Variants in AGBL4 observed in about 807,000 individuals in gnomAD.
AGBL4 encodes cytosolic carboxypeptidase 6.
Under a neutral mutation model 66.4 loss-of-function variants are expected in AGBL4, and 58 were observed. That is an observed-to-expected ratio of 0.87 (90% CI 0.71 to 1.09). The LOEUF is 1.09. AGBL4 is among the 50% of genes least tolerant of loss of function. The probability of loss-of-function intolerance (pLI) is 0.00; values close to 1 mark genes in which losing one functional copy is unlikely to be tolerated. For missense variants in AGBL4, 579 were observed against 631.0 expected, an observed-to-expected ratio of 0.92 and a Z score of 0.88; for synonymous variants, 234 against 222.9, an observed-to-expected ratio of 1.05 and a Z score of -0.44.
intron 3 of AGBL4, among the ~76,000 whole-genome samples, chr1:49,428,814 G>A (rs1429006653): frequency 6.6e-6 from 1 of 152,320 alleles, no homozygotes; most frequent in East Asian, 1.9e-4. Flanking sequence ...CTTTAAGCAG[G>A]AAGCAGTTGC....
intron 9 of AGBL4, among the ~76,000 whole-genome samples, chr1:48,619,684 T>G (rs1368382635): frequency 4.6e-5 from 7 of 152,214 alleles, no homozygotes; most frequent in Admixed American, 1.3e-4. Flanking sequence ...GTTTTCCTCT[T>G]GTAACTGGGA....
intron 1 of AGBL4, among the ~76,000 whole-genome samples, chr1:49,922,081 T>C (rs1449844286): frequency 6.6e-6 from 1 of 152,242 alleles, no homozygotes; most frequent in Admixed American, 6.5e-5. Context: ...AATTTGTGCT[T>C]TCTGCATTTA....
intron 3 of AGBL4, 91 bp from the exon 4 acceptor site, chr1:49,245,955 G>T (rs1003251094): frequency 1.0e-5 from 10 of 978,390 alleles, no homozygotes; most frequent in Non-Finnish European, 1.5e-5. Flanking sequence ...CAGGGTTAAA[G>T]AAAGCCATAT....
intron 2 of AGBL4, among the ~76,000 whole-genome samples, chr1:49,712,551 T>C (rs1030723814): frequency 5.9e-5 from 9 of 151,890 alleles, no homozygotes; most frequent in Non-Finnish European, 1.0e-4. Context: ...ATGAGGACTA[T>C]AGTTAATAAT....
chr1:49,292,907 C>T (rs1419466230), intron 3 of AGBL4, among the ~76,000 whole-genome samples: 1 of 152,238 alleles, frequency 6.6e-6, no homozygotes, highest in Non-Finnish European at 1.5e-5. Flanking sequence ...GAACTCGGAA[C>T]CTGTTGAATG....
chr1:48,830,825 C>T (rs1236086287), intron 6 of AGBL4, among the ~76,000 whole-genome samples: 1 of 152,152 alleles, frequency 6.6e-6, no homozygotes, highest in Non-Finnish European at 1.5e-5. Flanking sequence ...TTCATCACAA[C>T]ATTATTTCAT....
chr1:49,095,901 C>T (rs1255927655), intron 4 of AGBL4, among the ~76,000 whole-genome samples: 1 of 151,800 alleles, frequency 6.6e-6, no homozygotes, highest in African/African-American at 2.4e-5. Flanking sequence ...AGTGAACAGG[C>T]AACCTACAAA....
intron 4 of AGBL4, among the ~76,000 whole-genome samples, chr1:49,067,714 G>C (rs1490814390): frequency 6.6e-6 from 1 of 151,982 alleles, no homozygotes; most frequent in Non-Finnish European, 1.5e-5. Context: ...CTCCACACTA[G>C]AGCATAAGCT....
intron 3 of AGBL4, among the ~76,000 whole-genome samples, chr1:49,542,648 A>G (rs1421508421): frequency 6.6e-6 from 1 of 152,146 alleles, no homozygotes; most frequent in African/African-American, 2.4e-5. Flanking sequence ...CTATAATTCC[A>G]GCACTTTGGG....
intron 1 of AGBL4, among the ~76,000 whole-genome samples, chr1:50,022,041 G>A (rs1412322164): frequency 2.0e-5 from 3 of 151,852 alleles, no homozygotes; most frequent in African/African-American, 4.8e-5. Context: ...CTGCTGCCTC[G>A]ACCACTCTTT....
chr1:48,603,473 T>C (rs546401573), intron 9 of AGBL4, among the ~76,000 whole-genome samples: 1 of 151,728 alleles, frequency 6.6e-6, no homozygotes, highest in Non-Finnish European at 1.5e-5. Context: ...CGTTTCAAAA[T>C]AAAATAAATT....
intron 5 of AGBL4, among the ~76,000 whole-genome samples, chr1:48,923,422 C>T (rs2148894464): frequency 6.6e-6 from 1 of 152,294 alleles, no homozygotes; most frequent in Non-Finnish European, 1.5e-5. Context: ...CAGAAAAACC[C>T]AGAAGTCAAA....
At chr1:48,537,143 A>T (rs1643986429) in intron 12 of AGBL4, among the ~76,000 whole-genome samples, 1 of 152,224 alleles carries the variant, frequency 6.6e-6, no homozygotes, top group Non-Finnish European at 1.5e-5. Flanking sequence ...AAGGGGAAGT[A>T]TTTATATCCC....
chr1:48,985,374 G>C (rs1055109046), intron 5 of AGBL4, among the ~76,000 whole-genome samples: 4 of 152,032 alleles, frequency 2.6e-5, no homozygotes, highest in African/African-American at 4.8e-5. Flanking sequence ...CTTTGCCAAG[G>C]GTTCTCCTTG....
chr1:49,670,459 C>T (rs1010380286), intron 3 of AGBL4, among the ~76,000 whole-genome samples: 1 of 152,184 alleles, frequency 6.6e-6, no homozygotes, highest in Non-Finnish European at 1.5e-5. Flanking sequence ...TCTGAAGTTG[C>T]AGCTCCAATT....
At position 49,129,550 on chromosome 1, in the gene AGBL4, G is replaced by C. The variant is rs373110497; in HGVS notation, c.378-83750C>G. On this transcript the variant is annotated intron_variant, in intron 4 of 13. Coordinates refer to ENST00000371839, the MANE Select transcript of AGBL4 (RefSeq NM_032785.4). ...CATTGTTCAATTCCCACCTATGAGTGAGAACATGCGGTGTTTGGTTTTTTG... is the reference window on the plus strand; with the variant it reads ...CATTGTTCAATTCCCACCTATGAGTCAGAACATGCGGTGTTTGGTTTTTTG... 3.1e-4 allele frequency among the ~76,000 whole-genome samples: 47 copies of C among 151,514 alleles called. 1 individual carries two copies. In the South Asian group the frequency reaches 9.2e-3, roughly 30 times the overall value.
At chr1:49,820,182 T>C (rs1278432684) in intron 2 of AGBL4, among the ~76,000 whole-genome samples, 3 of 152,190 alleles carry the variant, frequency 2.0e-5, no homozygotes, top group South Asian at 2.1e-4. Flanking sequence ...TGGAGTCTTA[T>C]GTGACTTTTG....
chr1:49,347,252 CTTTTTTT>C (rs35313917), intron 3 of AGBL4, among the ~76,000 whole-genome samples: 1 of 115,866 alleles, frequency 8.6e-6, no homozygotes, highest in Non-Finnish European at 1.8e-5. Context: ...TTCTTTCTTT[CTTTTTTT>C]TTTTTTTTTT....
chr1:49,905,819 T>C (rs1283172722), intron 1 of AGBL4, among the ~76,000 whole-genome samples: 1 of 152,080 alleles, frequency 6.6e-6, no homozygotes, highest in East Asian at 1.9e-4. Flanking sequence ...ATATTAAGCA[T>C]ATATGAACTG....
Sources: gnomAD v4.1 joint callset for allele counts (sites outside exome capture counted in the v4.1 genomes callset) on GRCh38, gnomAD v4.1.1 for gene constraint, MANE v1.5 for transcripts, NCBI Gene and HGNC (gene_info 2026-07-23, HGNC 2026-07-21) for gene names.